The following ATR variants were observed in gnomAD, a reference collection of about 807,000 sequenced individuals.
The protein encoded by ATR is ATR checkpoint kinase.
A neutral mutation model predicts 305.3 loss-of-function variants in ATR; 142 were observed. The ratio of observed to expected loss-of-function variants is 0.47; its 90% CI spans 0.41 to 0.53. The LOEUF (loss-of-function observed/expected upper bound fraction) is 0.53. Ranked by LOEUF, ATR falls within the 20% of genes least tolerant of loss-of-function variation. The probability of loss-of-function intolerance (pLI) is 0.00; values close to 1 mark genes in which losing one functional copy is unlikely to be tolerated. For synonymous variants in ATR, 1,050 were observed against 1,068.1 expected, an observed-to-expected ratio of 0.98 and a Z score of 0.33; for missense variants, 2,135 against 3,133.1, an observed-to-expected ratio of 0.68 and a Z score of 7.60.
At position 142,523,948 on chromosome 3, in the gene ATR, A is replaced by G. The variant is rs200267931; in HGVS notation, c.4152+45T>C. ...TTGTAAATGAAATATATAAACCTCAATAGGACAGAGAACTCTTTTGTCATT... is the reference window on the plus strand; with the variant it reads ...TTGTAAATGAAATATATAAACCTCAGTAGGACAGAGAACTCTTTTGTCATT... On this transcript the variant is annotated intron_variant, in intron 22 of 46. Coordinates refer to ENST00000350721, the MANE Select transcript of ATR (RefSeq NM_001184.4). 361 of 1,572,406 alleles carry G rather than the reference A, an allele frequency of 2.3e-4. 1 individual carries two copies. The African/African-American group carries it at 2.4e-3, about 10-fold the overall frequency.
Position 142,497,108 on chromosome 3 carries a change from T to G in ATR, c.5643A>C (p.Leu1881=), listed in dbSNP as rs1161878796. 9 of 1,614,000 alleles carry G rather than the reference T, an allele frequency of 5.6e-6. No individual in the cohort carries two copies. The highest frequency in any genetic ancestry group is 6.8e-6 in the Non-Finnish European group (8 of 1,179,992). ...SPGDSSQEDS[L]NWVARLEMTQ... ...TCATTTCTAGTCGAGCTACCCAGTTTAGAGAATCTTCTTGAGAACTGTCAC... is the reference window on the plus strand; with the variant it reads ...TCATTTCTAGTCGAGCTACCCAGTTGAGAGAATCTTCTTGAGAACTGTCAC... Residue 1881 remains leucine, a synonymous_variant, in exon 33 of 47, where the codon CTA becomes CTC. Coordinates refer to ENST00000350721, the MANE Select transcript of ATR (RefSeq NM_001184.4).
chr3:142,486,601 C>A lies in ATR; in HGVS notation c.6079-1319G>T, dbSNP rs533803457. Among the ~76,000 whole-genome samples the A allele has an allele frequency of 5.3e-5, 8 of 152,076 alleles. No individual in the cohort carries two copies. In the South Asian group the frequency reaches 1.7e-3, roughly 32 times the overall value. On this transcript the variant is annotated intron_variant, in intron 35 of 46. Transcript: ENST00000350721. ...TGATCAATTATCACAAAGTAATTAC[C>A]TTTATATAAAATCTCCTTCCTCCCT...
intron 19 of ATR, among the ~76,000 whole-genome samples, chr3:142,536,743 A>G (rs1358221314): frequency 6.6e-6 from 1 of 152,200 alleles, no homozygotes; most frequent in Non-Finnish European, 1.5e-5. Flanking sequence ...AGACCAGTAG[A>G]ACTGACCAGC....
intron 41 of ATR, among the ~76,000 whole-genome samples, chr3:142,463,133 G>GT (rs1452867338): frequency 6.6e-6 from 1 of 151,986 alleles, no homozygotes; most frequent in African/African-American, 2.4e-5. Flanking sequence ...AACTAACATA[G>GT]TTTTTTACAA....
intron 27 of ATR, among the ~76,000 whole-genome samples, chr3:142,510,030 C>T (rs1046631220): frequency 2.7e-5 from 4 of 147,812 alleles, no homozygotes; most frequent in East Asian, 2.0e-4. Context: ...GCACAAGAAT[C>T]GCTTAAGCCT....
intron 16 of ATR, 54 bp from the exon 17 acceptor site, chr3:142,542,811 G>A (rs1225459180): frequency 1.5e-6 from 2 of 1,370,596 alleles, no homozygotes; most frequent in Non-Finnish European, 2.0e-6. Context: ...AATTTCTTAA[G>A]TTGACATTTT....
chr3:142,466,274 T>G, intron 40 of ATR, 50 bp downstream of exon 40: 1 of 1,548,732 alleles, frequency 6.5e-7, no homozygotes, highest in Non-Finnish European at 8.9e-7. Flanking sequence ...TAATTTGAAG[T>G]TTTTAACAAC....
chr3:142,476,153 A>T (rs974853412), intron 36 of ATR, among the ~76,000 whole-genome samples: 1 of 152,110 alleles, frequency 6.6e-6, no homozygotes, highest in Non-Finnish European at 1.5e-5. Context: ...GGTGTTTTAG[A>T]CATGAAGTCC....
At chr3:142,507,449 TA>T (rs1002431537) in intron 28 of ATR, among the ~76,000 whole-genome samples, 1 of 152,212 alleles carries the variant, frequency 6.6e-6, no homozygotes, top group Non-Finnish European at 1.5e-5. Flanking sequence ...CACAGGCATT[TA>T]GCTAAAATTC....
intron 45 of ATR, among the ~76,000 whole-genome samples, chr3:142,457,039 G>A (rs2070924129): frequency 6.6e-6 from 1 of 152,034 alleles, no homozygotes; most frequent in Non-Finnish European, 1.5e-5. Flanking sequence ...CACAAAAGGT[G>A]GAAACAATCC....
At chr3:142,543,910 A>G (rs2034160947) in intron 16 of ATR, among the ~76,000 whole-genome samples, 1 of 151,992 alleles carries the variant, frequency 6.6e-6, no homozygotes, top group Non-Finnish European at 1.5e-5. Flanking sequence ...GGCTCAAGCA[A>G]TCCTCCTGCT....
chr3:142,533,559 G>A (rs2033743747), intron 21 of ATR, among the ~76,000 whole-genome samples: 2 of 152,050 alleles, frequency 1.3e-5, no homozygotes, highest in African/African-American at 2.4e-5. Flanking sequence ...TTTATTCCTA[G>A]GTGTTTTGGG....
intron 21 of ATR, among the ~76,000 whole-genome samples, chr3:142,525,917 C>A (rs2033371671): frequency 6.6e-6 from 1 of 152,136 alleles, no homozygotes; most frequent in South Asian, 2.1e-4. Flanking sequence ...GCCAAATAAA[C>A]CTCTTCTTTT....
intron 45 of ATR, among the ~76,000 whole-genome samples, chr3:142,455,758 A>G (rs1047367204): frequency 1.1e-4 from 17 of 152,374 alleles, no homozygotes; most frequent in Admixed American, 3.3e-4. Flanking sequence ...AAAGATTTAA[A>G]TAGCAGAGCT....
In ATR at chr3:142,468,000, G is replaced by C. The variant is rs2108276039; in HGVS notation, c.6621C>G (p.Ser2207=). Residue 2207 remains serine (S), a synonymous_variant, in exon 39 of 47, where the codon TCC becomes TCG. Transcript: ENST00000350721. ...ILNKAIHMKK[S]LEKFVGDATR... ...TTGCATCTCCAACAAACTTCTCTAA[G>C]GATTTTTTCATATGAATAGCTTTAT... 1.2e-6 allele frequency: 2 copies of C among 1,612,850 alleles called. No individual in the cohort carries two copies. Among genetic ancestry groups the C allele is most frequent in the South Asian group, 2.2e-5 (2 of 91,050 alleles).
In ATR at chr3:142,496,962, A is replaced by C. The variant is rs755190311; in HGVS notation, c.5738+51T>G. On this transcript the variant is annotated intron_variant, in intron 33 of 46. Coordinates refer to ENST00000350721, the MANE Select transcript of ATR (RefSeq NM_001184.4). ...TACAAACACCCCCAAATAATATCCA[A>C]ATACCAAATTCAAGATAAGTGACAT... 7.1e-6 allele frequency: 11 copies of C among 1,555,436 alleles called. No individual in the cohort carries two copies. The African/African-American group carries it at 1.4e-4, about 19-fold the overall frequency.
chr3:142,495,339 A>T (rs564102360), intron 34 of ATR, among the ~76,000 whole-genome samples: 52 of 152,332 alleles, frequency 3.4e-4, no homozygotes, highest in Middle Eastern at 3.4e-3. Flanking sequence ...AAATGGCACC[A>T]ACAATAGTTG....
At chr3:142,529,591 T>C (rs905534454) in intron 21 of ATR, among the ~76,000 whole-genome samples, 7 of 152,194 alleles carry the variant, frequency 4.6e-5, no homozygotes, top group African/African-American at 7.2e-5. Flanking sequence ...CATCCTCTAA[T>C]ACATCTCTTA....
chr3:142,519,305 T>TG (rs1184704744), intron 24 of ATR, among the ~76,000 whole-genome samples: 17 of 140,974 alleles, frequency 1.2e-4, no homozygotes, highest in African/African-American at 4.6e-4. Flanking sequence ...TCACATTAAT[T>TG]TTTTTTTTTT....
Sources: allele counts gnomAD v4.1 joint callset (sites outside exome capture counted in the v4.1 genomes callset), GRCh38; gene constraint gnomAD v4.1.1; transcripts MANE v1.5; gene names NCBI Gene and HGNC (gene_info 2026-07-23, HGNC 2026-07-21).